Variants in ATP11B observed in about 807,000 individuals in gnomAD.
ATP11B encodes ATPase phospholipid transporting 11B (putative).
Under a neutral mutation model 157.8 loss-of-function variants are expected in ATP11B, and 81 were observed. The observed-to-expected ratio is 0.51, with a 90% CI of 0.43 to 0.62. The LOEUF (loss-of-function observed/expected upper bound fraction) is 0.62, where lower values mean the gene tolerates loss of function less well. Ranked by LOEUF, ATP11B falls within the 20% of genes least tolerant of loss-of-function variation. The pLI is 0.00. For missense variants in ATP11B, 1,165 were observed against 1,402.2 expected (o/e 0.83, Z 2.70); for synonymous variants, 451 against 469.4 (o/e 0.96, Z 0.51).
intron 2 of ATP11B, among the ~76,000 whole-genome samples, chr3:182,827,362 T>C (rs1292632964): frequency 1.3e-5 from 2 of 152,118 alleles, no homozygotes; most frequent in East Asian, 1.9e-4. Context: ...TTAGCTGATT[T>C]AATGTTTATA....
chr3:182,795,119 A>C (rs990303181), intron 1 of ATP11B, among the ~76,000 whole-genome samples: 1 of 152,200 alleles, frequency 6.6e-6, no homozygotes, highest in Admixed American at 6.5e-5. Context: ...TTGTAAATTC[A>C]GATATCCCAG....
In ATP11B at chr3:182,918,729, C is replaced by G. The variant is rs1200924303; in HGVS notation, c.*625C>G. ...GGGGAGTAAATTTATACCAATTCCT[C>G]TAACTGTACTGTAACACAGCCTGTA... On this transcript the variant is annotated 3_prime_UTR_variant, in exon 30 of 30. Coordinates refer to ENST00000323116, the MANE Select transcript of ATP11B (RefSeq NM_014616.3). The G allele has an allele frequency of 5.2e-6, 1 of 192,070 alleles. No individual in the cohort carries two copies. The highest frequency in any genetic ancestry group is 2.3e-5 in the African/African-American group (1 of 43,232). The allele number at this position is 192,070 out of a possible 1,614,324, so 11.9% of individuals were successfully genotyped here.
intron 1 of ATP11B, among the ~76,000 whole-genome samples, chr3:182,802,364 T>C (rs780970685): frequency 3.3e-5 from 5 of 152,174 alleles, no homozygotes. Context: ...CTGCCTAAGA[T>C]TTTCCAAGTG....
chr3:182,867,746 G>A (rs981913440), intron 15 of ATP11B, among the ~76,000 whole-genome samples: 2 of 152,028 alleles, frequency 1.3e-5, no homozygotes, highest in African/African-American at 4.8e-5. Flanking sequence ...ACTATGCCTG[G>A]CTAATTTTTG....
At chr3:182,874,735 TAAAC>T (rs1227618051) in intron 19 of ATP11B, among the ~76,000 whole-genome samples, 1 of 152,194 alleles carries the variant, frequency 6.6e-6, no homozygotes, top group Non-Finnish European at 1.5e-5. Context: ...GAACCCCAAT[TAAAC>T]AAAGTACTAT....
At chr3:182,826,091 A>G (rs1321414458) in intron 2 of ATP11B, among the ~76,000 whole-genome samples, 1 of 152,190 alleles carries the variant, frequency 6.6e-6, no homozygotes, top group Non-Finnish European at 1.5e-5. Context: ...TTTTCTTAGC[A>G]GTATTTTCAT....
chr3:182,839,958 G>A (rs1237748103), intron 7 of ATP11B, among the ~76,000 whole-genome samples: 1 of 152,114 alleles, frequency 6.6e-6, no homozygotes, highest in African/African-American at 2.4e-5. Context: ...ATTTTAAAAA[G>A]TATTTTCCAT....
intron 1 of ATP11B, among the ~76,000 whole-genome samples, chr3:182,796,883 T>C (rs553113761): frequency 7.2e-4 from 109 of 152,314 alleles, no homozygotes; most frequent in African/African-American, 2.4e-3. Context: ...AAAACAGTAT[T>C]ACTAGGATAA....
chr3:182,858,012 A>G lies in ATP11B; in HGVS notation c.986A>G (p.Gln329Arg). 6.2e-7 allele frequency: 1 copy of G among 1,611,648 alleles called. No homozygotes were observed. Among genetic ancestry groups the G allele is most frequent in the South Asian group, 1.1e-5 (1 of 90,794 alleles). ...EPWYNQKTEH[Q>R]RNSSKILRFI... ...TGGTATAACCAAAAAACAGAACATC[A>G]AAGAAATAGCAGTAAGGTATTTTAT... is the stretch of plus-strand genomic sequence containing the variant. Residue 329 changes from glutamine (Q) to arginine (R), a missense_variant, in exon 11 of 30, where the codon CAA becomes CGA. Transcript: ENST00000323116.
intron 12 of ATP11B, 62 bp from the exon 13 acceptor site, chr3:182,865,394 T>C: frequency 6.5e-7 from 1 of 1,528,546 alleles, no homozygotes; most frequent in Non-Finnish European, 8.8e-7. Context: ...GAGATTTTTT[T>C]CTTGTTTAAC....
intron 21 of ATP11B, among the ~76,000 whole-genome samples, chr3:182,883,762 C>T (rs1484114982): frequency 3.3e-5 from 5 of 149,892 alleles, no homozygotes; most frequent in East Asian, 4.0e-4. Flanking sequence ...GAGACCATCC[C>T]GGCTAAAACG....
intron 12 of ATP11B, among the ~76,000 whole-genome samples, chr3:182,862,819 T>C (rs1328352980): frequency 1.5e-5 from 2 of 130,118 alleles, no homozygotes; most frequent in East Asian, 2.1e-4. Context: ...TCTTTTTCTG[T>C]TTTTTTTTTT....
At chr3:182,800,410 A>C (rs928246396) in intron 1 of ATP11B, among the ~76,000 whole-genome samples, 1 of 147,100 alleles carries the variant, frequency 6.8e-6, no homozygotes, top group African/African-American at 2.5e-5. Flanking sequence ...AAAAAATTGT[A>C]GAGGTGGGGG....
intron 1 of ATP11B, among the ~76,000 whole-genome samples, chr3:182,812,368 C>T (rs780102315): frequency 6.6e-5 from 10 of 151,988 alleles, no homozygotes; most frequent in African/African-American, 9.7e-5. Context: ...GTATTTTTAC[C>T]CGTTTATCTC....
At chr3:182,898,181 C>G (rs1438976337) in intron 27 of ATP11B, among the ~76,000 whole-genome samples, 1 of 152,066 alleles carries the variant, frequency 6.6e-6, no homozygotes, top group African/African-American at 2.4e-5. Context: ...ACACTTACTA[C>G]TATGTAAAAC....
In ATP11B at chr3:182,823,209, G is replaced by T. The variant is rs536743000; in HGVS notation, c.144+2833G>T. ...TTGCCCATGCCTGTGTCCTGAATGGGATTGCCTAGGTTTTCTTCTAGGGTT... is the reference window on the plus strand; with the variant it reads ...TTGCCCATGCCTGTGTCCTGAATGGTATTGCCTAGGTTTTCTTCTAGGGTT... On this transcript the variant is annotated intron_variant, in intron 2 of 29. Coordinates refer to ENST00000323116, the MANE Select transcript of ATP11B (RefSeq NM_014616.3). Among the ~76,000 whole-genome samples, 362 of 152,242 alleles carry T rather than the reference G, an allele frequency of 2.4e-3. 4 individuals are homozygous for T. Among genetic ancestry groups the T allele is most frequent in the African/African-American group, 8.4e-3 (350 of 41,538 alleles).
At chr3:182,889,349 TGTTTA>T in intron 24 of ATP11B, 56 bp from the exon 25 acceptor site, 1 of 1,195,176 alleles carries the variant, frequency 8.4e-7, no homozygotes, top group Non-Finnish European at 1.2e-6. Context: ...TTATATTAAT[TGTTTA>T]GTGGGCAAAT....
intron 10 of ATP11B, 42 bp downstream of exon 10, chr3:182,848,599 C>A: frequency 8.8e-7 from 1 of 1,131,504 alleles, no homozygotes; most frequent in South Asian, 2.1e-5. Context: ...AATTATAACT[C>A]TACATTTTTT....
intron 3 of ATP11B, among the ~76,000 whole-genome samples, chr3:182,828,702 G>A (rs1261002614): frequency 6.7e-6 from 1 of 149,660 alleles, no homozygotes; most frequent in Admixed American, 6.6e-5. Flanking sequence ...TTTTCCAGGA[G>A]ACTGTTTTCT....
Sources: gnomAD v4.1 joint callset for allele counts (sites outside exome capture counted in the v4.1 genomes callset) on GRCh38, gnomAD v4.1.1 for gene constraint, MANE v1.5 for transcripts, NCBI Gene and HGNC (gene_info 2026-07-23, HGNC 2026-07-21) for gene names.